Variants in FOXP2 observed in about 807,000 individuals in gnomAD.
The protein encoded by FOXP2 is forkhead box protein P2.
A neutral mutation model predicts 115.8 loss-of-function variants in FOXP2; 12 were observed. The observed-to-expected ratio is 0.10, with a 90% confidence interval of 0.07 to 0.17. The LOEUF is 0.17. FOXP2 is among the 10% of genes least tolerant of loss of function. The probability of loss-of-function intolerance (pLI) is 1.00; values close to 1 mark genes in which losing one functional copy is unlikely to be tolerated. For synonymous variants in FOXP2, 328 were observed against 297.7 expected (o/e 1.10, Z -1.05); for missense variants, 629 against 843.5 (o/e 0.75, Z 3.15).
intron 1 of FOXP2, among the ~76,000 whole-genome samples, chr7:114,191,151 C>T (rs1793751250): frequency 6.6e-6 from 1 of 152,146 alleles, no homozygotes; most frequent in South Asian, 2.1e-4. Flanking sequence ...CTTGAACTTT[C>T]TATCCCTGTA....
chr7:114,303,857 C>A (rs1218565041), intron 2 of FOXP2, among the ~76,000 whole-genome samples: 1 of 152,010 alleles, frequency 6.6e-6, no homozygotes, highest in Non-Finnish European at 1.5e-5. Flanking sequence ...ACTATATAAA[C>A]TGATGCTCTA....
intron 6 of FOXP2, among the ~76,000 whole-genome samples, chr7:114,640,663 G>C (rs890322063): frequency 6.6e-6 from 1 of 152,008 alleles, no homozygotes; most frequent in Non-Finnish European, 1.5e-5. Flanking sequence ...CCCATCTCCC[G>C]TGACTATTCC....
At chr7:114,524,301 T>TA (rs1200538514) in intron 2 of FOXP2, among the ~76,000 whole-genome samples, 20 of 152,128 alleles carry the variant, frequency 1.3e-4, no homozygotes, top group Non-Finnish European at 2.6e-4. Flanking sequence ...TTTATCTTCA[T>TA]AAAAAATAAA....
At chr7:114,110,174 G>A (rs1791232036) in intron 1 of FOXP2, among the ~76,000 whole-genome samples, 2 of 152,110 alleles carry the variant, frequency 1.3e-5, no homozygotes, top group African/African-American at 2.4e-5. Context: ...GCTAGCCCTA[G>A]TCGTAGTTCT....
intron 1 of FOXP2, among the ~76,000 whole-genome samples, chr7:114,145,607 C>T (rs1226558633): frequency 6.6e-6 from 1 of 151,922 alleles, no homozygotes; most frequent in Non-Finnish European, 1.5e-5. Context: ...CCTGCCTCAG[C>T]CTCCCGAGTA....
chr7:114,439,592 A>G (rs1410058041), intron 2 of FOXP2, among the ~76,000 whole-genome samples: 1 of 152,038 alleles, frequency 6.6e-6, no homozygotes, highest in Non-Finnish European at 1.5e-5. Flanking sequence ...CCCAGGCTGG[A>G]TGGAGTGCAG....
chr7:114,184,587 A>T (rs2129155881), intron 1 of FOXP2, among the ~76,000 whole-genome samples: 1 of 152,292 alleles, frequency 6.6e-6, no homozygotes, highest in East Asian at 1.9e-4. Context: ...GAAGGAAGGT[A>T]GCTCAGGGTG....
At chr7:114,196,109 T>C (rs1233891146) in intron 1 of FOXP2, among the ~76,000 whole-genome samples, 1 of 151,968 alleles carries the variant, frequency 6.6e-6, no homozygotes, top group Non-Finnish European at 1.5e-5. Context: ...GCCTCCAGGG[T>C]TCAAGTGATT....
chr7:114,429,241 T>C (rs1794001060), intron 2 of FOXP2, among the ~76,000 whole-genome samples: 1 of 151,488 alleles, frequency 6.6e-6, no homozygotes, highest in Admixed American at 6.6e-5. Flanking sequence ...AAACTGTAAC[T>C]AGCATTTATT....
intron 1 of FOXP2, among the ~76,000 whole-genome samples, chr7:114,166,587 C>A (rs987060389): frequency 6.6e-6 from 1 of 152,064 alleles, no homozygotes; most frequent in African/African-American, 2.4e-5. Context: ...TGCCTGTAGC[C>A]CCAGCTCCTC....
chr7:114,542,472 C>CTGG (rs938897183), intron 3 of FOXP2, among the ~76,000 whole-genome samples: 9 of 152,124 alleles, frequency 5.9e-5, no homozygotes, highest in African/African-American at 2.2e-4. Flanking sequence ...TTAGAAGAAC[C>CTGG]TGGAACCCTA....
At chr7:114,558,780 A>G (rs1036922367) in intron 3 of FOXP2, among the ~76,000 whole-genome samples, 2 of 152,136 alleles carry the variant, frequency 1.3e-5, no homozygotes, top group Non-Finnish European at 2.9e-5. Context: ...CGTCTGTCAT[A>G]GTATAATACT....
In FOXP2 at chr7:114,415,042, T is replaced by C; in HGVS notation, c.-329T>C. On this transcript the variant is annotated 5_prime_UTR_variant, in exon 1 of 17. Coordinates refer to ENST00000350908, the MANE Select transcript of FOXP2 (RefSeq NM_014491.4). The stretch of plus-strand genomic sequence containing the variant: ...CACGTTGCACACCAAAGACATACCC[T>C]AGTGATTAAATGCTGATTTTGTGTA... The C allele has an allele frequency of 2.2e-6, 1 of 454,064 alleles. No homozygotes were observed. 28.1% of individuals were successfully genotyped at this position (454,064 alleles called of 1,614,324 possible). A position where few individuals can be genotyped will look rare whatever the true frequency, so the allele number is the denominator to read the frequency against.
Position 114,276,145 on chromosome 7 carries a change from A to G in FOXP2, c.-101-11874A>G, listed in dbSNP as rs753894907. On this transcript the variant is annotated intron_variant, in intron 1 of 17. Transcript: ENST00000634411. ...GTTGAGAAGAACAGAGTGCTCTGGCATATTTTTATTGTTATTTATGTATTA... is the reference window on the plus strand; with the variant it reads ...GTTGAGAAGAACAGAGTGCTCTGGCGTATTTTTATTGTTATTTATGTATTA... 8.5e-4 allele frequency among the ~76,000 whole-genome samples: 130 copies of G among 152,136 alleles called. 1 individual carries two copies. Among genetic ancestry groups the G allele is most frequent in the South Asian group, 6.2e-4 (3 of 4,822 alleles).
chr7:114,378,684 C>CAAAAAAAAGAAAAAAAAAAAAAAA (rs1792201206), intron 2 of FOXP2, among the ~76,000 whole-genome samples: 1 of 18,094 alleles, frequency 5.5e-5, no homozygotes, highest in African/African-American at 1.9e-4. Flanking sequence ...ACCCTGTCTC[C>CAAAAAAAAGAAAAAAAAAAAAAAA]AAAAAAAAAA....
chr7:114,119,163 C>G (rs1455620623), intron 1 of FOXP2, among the ~76,000 whole-genome samples: 1 of 152,102 alleles, frequency 6.6e-6, no homozygotes, highest in African/African-American at 2.4e-5. Context: ...AATACAGCAT[C>G]CATTAACAAA....
At chr7:114,455,624 T>C (rs906539134) in intron 2 of FOXP2, among the ~76,000 whole-genome samples, 3 of 152,206 alleles carry the variant, frequency 2.0e-5, no homozygotes, top group South Asian at 2.1e-4. Flanking sequence ...TAGAAGTAGT[T>C]AAGGTACATC....
chr7:114,349,550 G>A (rs1399830936), intron 2 of FOXP2, among the ~76,000 whole-genome samples: 2 of 151,994 alleles, frequency 1.3e-5, no homozygotes, highest in African/African-American at 4.8e-5. Context: ...TTGATTGTAT[G>A]ATATTTAAAA....
intron 1 of FOXP2, among the ~76,000 whole-genome samples, chr7:114,222,840 A>C (rs1794657877): frequency 6.6e-6 from 1 of 152,204 alleles, no homozygotes; most frequent in Non-Finnish European, 1.5e-5. Flanking sequence ...TGCAAGCATG[A>C]GATAATGTAA....
Sources: allele counts gnomAD v4.1 joint callset (sites outside exome capture counted in the v4.1 genomes callset), GRCh38; gene constraint gnomAD v4.1.1; transcripts MANE v1.5; gene names NCBI Gene and HGNC (gene_info 2026-07-23, HGNC 2026-07-21).